The following PARD3 variants were observed in gnomAD, a reference collection of about 807,000 sequenced individuals.
The protein encoded by PARD3 is partitioning defective 3 homolog.
A neutral mutation model predicts 155.4 loss-of-function variants in PARD3; 75 were observed. The observed-to-expected ratio is 0.48, with a 90% CI of 0.40 to 0.58. PARD3 has a LOEUF of 0.58. Among genes scored for constraint, PARD3 ranks in the 20% least tolerant of loss-of-function variants. PARD3 has a pLI of 0.00. For synonymous variants in PARD3, 576 were observed against 610.5 expected (o/e 0.94, Z 0.83); for missense variants, 1,642 against 1,721.7 (o/e 0.95, Z 0.82).
Position 34,772,792 on chromosome 10 carries a change from T to TAA in PARD3, c.120+42082_120+42083dup, listed in dbSNP as rs555582256. 4.6e-3 allele frequency among the ~76,000 whole-genome samples: 411 copies of TAA among 90,250 alleles called. 2 individuals carry two copies. Among genetic ancestry groups the TAA allele is most frequent in the African/African-American group, 0.015 (368 of 24,206 alleles). 59.2% of individuals were successfully genotyped at this position (90,250 alleles called of 152,430 possible). ...CTGGGTGACACAGCAAGACTCCATCTAAAAAAAAAAAAAAAAAAAAAAAAC... is the reference window on the plus strand; with the variant it reads ...CTGGGTGACACAGCAAGACTCCATCTAAAAAAAAAAAAAAAAAAAAAAAAAAC... On this transcript the variant is annotated intron_variant, in intron 1 of 24. Coordinates refer to ENST00000374788, the MANE Select transcript of PARD3 (RefSeq NM_001184785.2).
At chr10:34,632,879 G>A (rs945388301) in intron 2 of PARD3, among the ~76,000 whole-genome samples, 13 of 152,132 alleles carry the variant, frequency 8.5e-5, no homozygotes, top group East Asian at 1.9e-4. Context: ...TTTACTTCCC[G>A]TTGGCTTAAC....
intron 22 of PARD3, among the ~76,000 whole-genome samples, chr10:34,262,138 C>T (rs892153692): frequency 1.3e-5 from 2 of 151,348 alleles, no homozygotes; most frequent in African/African-American, 4.9e-5. Context: ...TAGTCAACTA[C>T]ATCTACTGAA....
At chr10:34,756,216 C>T (rs1836710597) in intron 1 of PARD3, among the ~76,000 whole-genome samples, 1 of 142,408 alleles carries the variant, frequency 7.0e-6, no homozygotes, top group Non-Finnish European at 1.5e-5. Context: ...TGCAGTGGCA[C>T]GATCTCAGCT....
At chr10:34,581,049 T>C (rs572520615) in intron 2 of PARD3, among the ~76,000 whole-genome samples, 5 of 152,254 alleles carry the variant, frequency 3.3e-5, no homozygotes, top group African/African-American at 7.2e-5. Context: ...AGCTAAAAAT[T>C]AGCTTAAGTA....
At chr10:34,645,300 G>C (rs573130809) in intron 2 of PARD3, among the ~76,000 whole-genome samples, 2 of 152,038 alleles carry the variant, frequency 1.3e-5, no homozygotes, top group African/African-American at 4.8e-5. Flanking sequence ...CTACCTCCCA[G>C]GTTCAAGAGA....
Position 34,335,626 on chromosome 10 carries a change from A to C in PARD3, c.2605+573T>G, listed in dbSNP as rs1836093205. Among the ~76,000 whole-genome samples the C allele has an allele frequency of 3.9e-5, 6 of 152,048 alleles. No individual in the cohort carries two copies. The South Asian group carries it at 1.2e-3, about 31-fold the overall frequency. On this transcript the variant is annotated intron_variant, in intron 18 of 24. Transcript: ENST00000374788. ...GTAACGAATTTAGAACAAGCTCACA[A>C]AGTTAAGATATGAAGCCATATGCAT...
chr10:34,730,743 C>T (rs11009896), intron 1 of PARD3, among the ~76,000 whole-genome samples: 42,263 of 152,002 alleles, frequency 0.28, 7,221 homozygotes, highest in Non-Finnish European at 0.38. Context: ...GCTATGACTG[C>T]AACACTGCAC....
At chr10:34,748,281 C>A (rs1253377441) in intron 1 of PARD3, among the ~76,000 whole-genome samples, 1 of 152,078 alleles carries the variant, frequency 6.6e-6, no homozygotes, top group African/African-American at 2.4e-5. Context: ...ACCAGCCTGT[C>A]CAACACGGCA....
chr10:34,630,563 C>A (rs1283332596), intron 2 of PARD3, among the ~76,000 whole-genome samples: 1 of 150,916 alleles, frequency 6.6e-6, no homozygotes, highest in African/African-American at 2.4e-5. Context: ...ATCCTCCCAC[C>A]TCAACCTCCT....
intron 22 of PARD3, among the ~76,000 whole-genome samples, chr10:34,196,806 C>G (rs187213806): frequency 6.6e-6 from 1 of 152,172 alleles, no homozygotes; most frequent in African/African-American, 2.4e-5. Context: ...ATCTCCTGAC[C>G]TCATGATCCG....
chr10:34,633,003 G>A lies in PARD3; in HGVS notation c.222+63315C>T, dbSNP rs114566815. Reference sequence around the variant, plus strand: ...CAGAGCGGGGCTTTCACCCCCAGGGGCTCGCCTGACTTGGAGGCTCAAGAT... The same window carrying A: ...CAGAGCGGGGCTTTCACCCCCAGGGACTCGCCTGACTTGGAGGCTCAAGAT... On this transcript the variant is annotated intron_variant, in intron 2 of 24. Coordinates refer to ENST00000374788, the MANE Select transcript of PARD3 (RefSeq NM_001184785.2). Among the ~76,000 whole-genome samples the A allele has an allele frequency of 7.1e-3, 1,086 of 152,300 alleles. 11 individuals are homozygous for A. The highest frequency in any genetic ancestry group is 0.025 in the African/African-American group (1,049 of 41,552).
intron 22 of PARD3, among the ~76,000 whole-genome samples, chr10:34,225,109 T>C (rs1017167720): frequency 1.3e-5 from 2 of 152,186 alleles, no homozygotes; most frequent in Admixed American, 1.3e-4. Flanking sequence ...GTTTCAGCCA[T>C]TGAAAACACC....
At chr10:34,701,333 A>ATGATGATGTTGTTGTTGTTGT (rs1554815382) in intron 1 of PARD3, among the ~76,000 whole-genome samples, 2 of 149,862 alleles carry the variant, frequency 1.3e-5, no homozygotes, top group Admixed American at 1.3e-4. Context: ...ACACGCGGGG[A>ATGATGATGTTGTTGTTGTTGT]TGTTGTTGTT....
chr10:34,359,351 A>C, intron 13 of PARD3, 34 bp from the exon 14 acceptor site: 1 of 1,498,896 alleles, frequency 6.7e-7, no homozygotes, highest in Non-Finnish European at 9.2e-7. Flanking sequence ...AAGTGCTATT[A>C]AACAGACTGC....
intron 6 of PARD3, among the ~76,000 whole-genome samples, chr10:34,400,902 G>T (rs2132190828): frequency 6.6e-6 from 1 of 151,238 alleles, no homozygotes; most frequent in South Asian, 2.1e-4. Flanking sequence ...TCTAATCATT[G>T]GTTTGTAAGC....
intron 19 of PARD3, among the ~76,000 whole-genome samples, chr10:34,318,840 A>T (rs1958183717): frequency 6.6e-6 from 1 of 151,968 alleles, no homozygotes; most frequent in African/African-American, 2.4e-5. Context: ...ATCTCGACTC[A>T]CTGCAACCTC....
rs772269864 is a variant in PARD3, at chr10:34,605,560, C to CTATA, written c.223-88405_223-88402dup. On this transcript the variant is annotated intron_variant, in intron 2 of 24. Coordinates refer to ENST00000374788, the MANE Select transcript of PARD3 (RefSeq NM_001184785.2). ...TCCTATATATATATATATATATCTC[C>CTATA]TATATATATATATATCTCCTATATA... is the stretch of plus-strand genomic sequence containing the variant. Among the ~76,000 whole-genome samples the CTATA allele has an allele frequency of 6.9e-4, 10 of 14,578 alleles. 3 individuals carry two copies. In the African/African-American group the frequency reaches 9.4e-3, roughly 14 times the overall value. The allele number at this position is 14,578 out of a possible 152,430, so 9.6% of individuals were successfully genotyped here.
chr10:34,328,566 G>A (rs906838049), intron 19 of PARD3, among the ~76,000 whole-genome samples: 7 of 152,150 alleles, frequency 4.6e-5, no homozygotes, highest in African/African-American at 1.7e-4. Context: ...GGTGGTGGGG[G>A]GAAGGTGACA....
intron 18 of PARD3, among the ~76,000 whole-genome samples, chr10:34,335,605 C>T (rs1379611438): frequency 6.6e-6 from 1 of 151,906 alleles, no homozygotes; most frequent in African/African-American, 2.4e-5. Context: ...TTAGAAGTAA[C>T]GAATTTAGAA....
Sources: gnomAD v4.1 joint callset for allele counts (sites outside exome capture counted in the v4.1 genomes callset) on GRCh38, gnomAD v4.1.1 for gene constraint, MANE v1.5 for transcripts, NCBI Gene and HGNC (gene_info 2026-07-23, HGNC 2026-07-21) for gene names.